MYO1D: variants seen among roughly 807,000 people sequenced by gnomAD.
The protein encoded by MYO1D is myosin ID, also known as unconventional myosin-Id.
MYO1D carries 83 observed loss-of-function variants against 122.0 expected under a neutral mutation model. That is an observed-to-expected ratio of 0.68 (90% CI 0.57 to 0.82). MYO1D has a LOEUF of 0.82. Ranked by LOEUF, MYO1D falls within the 40% of genes least tolerant of loss-of-function variation. The pLI, the probability that MYO1D is intolerant of heterozygous loss-of-function variation, is 0.00. For missense variants in MYO1D, 1,157 were observed against 1,269.5 expected, an observed-to-expected ratio of 0.91 and a Z score of 1.35; for synonymous variants, 464 against 446.9, an observed-to-expected ratio of 1.04 and a Z score of -0.48.
In MYO1D at chr17:32,867,500, A is replaced by AT. The variant is rs573984105; in HGVS notation, c.95+9277_95+9278insA. Among the ~76,000 whole-genome samples the AT allele has an allele frequency of 2.5e-3, 377 of 152,252 alleles. 1 individual carries two copies. The highest frequency in any genetic ancestry group is 8.2e-3 in the African/African-American group (341 of 41,538). On this transcript the variant is annotated intron_variant, in intron 1 of 21. Transcript: ENST00000318217. The stretch of plus-strand genomic sequence containing the variant: ...CCAACCCAGCACTAAGCACACTGTA[A>AT]GAATTCAAGTAGTTGGCCGGGTACA...
At position 32,666,353 on chromosome 17, in the gene MYO1D, A is replaced by G. The variant is rs116042844; in HGVS notation, c.2122-7015T>C. On this transcript the variant is annotated intron_variant, in intron 16 of 21. Transcript: ENST00000318217. ...TACTTACTTCTAAACTTATGCTGACACCTCTTGTCTTCTGTTGTTTCCACT... is the reference window on the plus strand; with the variant it reads ...TACTTACTTCTAAACTTATGCTGACGCCTCTTGTCTTCTGTTGTTTCCACT... Among the ~76,000 whole-genome samples, 263 of 152,042 alleles carry G rather than the reference A, an allele frequency of 1.7e-3. 1 individual carries two copies. Among genetic ancestry groups the G allele is most frequent in the African/African-American group, 6.1e-3 (252 of 41,440 alleles).
intron 17 of MYO1D, among the ~76,000 whole-genome samples, chr17:32,656,082 C>T (rs1434472525): frequency 2.0e-5 from 3 of 152,148 alleles, no homozygotes; most frequent in East Asian, 1.9e-4. Context: ...TTCTCTTATG[C>T]GCTTGGCGGC....
chr17:32,827,394 T>C (rs1369689309), intron 1 of MYO1D, among the ~76,000 whole-genome samples: 1 of 151,952 alleles, frequency 6.6e-6, no homozygotes, highest in East Asian at 1.9e-4. Context: ...GTTACCAGGG[T>C]TGTGAAGAGG....
At chr17:32,591,228 TTTGA>T (rs1407287438) in intron 21 of MYO1D, among the ~76,000 whole-genome samples, 7 of 152,220 alleles carry the variant, frequency 4.6e-5, no homozygotes, top group Non-Finnish European at 1.0e-4. Flanking sequence ...TTTAACATTG[TTTGA>T]TTTTTGCCCC....
At chr17:32,546,667 C>A (rs564564608) in intron 21 of MYO1D, among the ~76,000 whole-genome samples, 1 of 152,266 alleles carries the variant, frequency 6.6e-6, no homozygotes, top group South Asian at 2.1e-4. Flanking sequence ...TCCCCAAACC[C>A]CTGTGCTCCC....
chr17:32,510,521 T>C (rs562267347), intron 21 of MYO1D: 1 of 152,246 alleles, frequency 6.6e-6, no homozygotes, highest in Non-Finnish European at 1.5e-5. Context: ...TTTGTATGCA[T>C]TTTTTACTAT....
intron 17 of MYO1D, 42 bp downstream of exon 17, chr17:32,659,073 T>G (rs1157398703): frequency 1.3e-6 from 2 of 1,552,142 alleles, no homozygotes; most frequent in Admixed American, 3.3e-5. Flanking sequence ...GTATTAACTG[T>G]GCCACCATAA....
At chr17:32,838,671 C>T (rs555319357) in intron 1 of MYO1D, among the ~76,000 whole-genome samples, 21 of 152,156 alleles carry the variant, frequency 1.4e-4, no homozygotes, top group Non-Finnish European at 2.4e-4. Context: ...AGTAAGCCAC[C>T]GAAGGGCTTC....
At chr17:32,789,034 G>GGGACT (rs2090325711) in intron 1 of MYO1D, among the ~76,000 whole-genome samples, 1 of 151,950 alleles carries the variant, frequency 6.6e-6, no homozygotes, top group Non-Finnish European at 1.5e-5. Context: ...TGTTGTGAAA[G>GGGACT]GGACTGAGTT....
intron 21 of MYO1D, among the ~76,000 whole-genome samples, chr17:32,504,274 C>T (rs2150854904): frequency 6.6e-6 from 1 of 152,326 alleles, no homozygotes; most frequent in East Asian, 1.9e-4. Context: ...ACTGCCACCA[C>T]CCTCCCAGCC....
At chr17:32,546,453 G>A (rs2086965443) in intron 21 of MYO1D, among the ~76,000 whole-genome samples, 1 of 152,214 alleles carries the variant, frequency 6.6e-6, no homozygotes, top group African/African-American at 2.4e-5. Context: ...TCCAGAAGCA[G>A]GGGCACACAG....
intron 21 of MYO1D, among the ~76,000 whole-genome samples, chr17:32,564,200 G>A (rs2087151693): frequency 6.6e-6 from 1 of 152,236 alleles, no homozygotes; most frequent in Admixed American, 6.5e-5. Context: ...GCTAACCTGG[G>A]AATGGATCCT....
chr17:32,646,537 A>T (rs1477094165), intron 19 of MYO1D, among the ~76,000 whole-genome samples: 1 of 152,114 alleles, frequency 6.6e-6, no homozygotes, highest in Middle Eastern at 3.2e-3. Flanking sequence ...AAAACATATG[A>T]GTGTAGGGCA....
intron 20 of MYO1D, among the ~76,000 whole-genome samples, chr17:32,629,493 G>C (rs2150932185): frequency 6.6e-6 from 1 of 152,298 alleles, no homozygotes; most frequent in Admixed American, 6.5e-5. Context: ...CCAGCACTTT[G>C]GGAGGCCAAG....
At chr17:32,584,501 C>CT (rs937941663) in intron 21 of MYO1D, among the ~76,000 whole-genome samples, 6,911 of 143,410 alleles carry the variant, frequency 0.048, 475 homozygotes, top group African/African-American at 0.16. Context: ...ATCTTCAGAA[C>CT]TTTTTTTTTT....
At chr17:32,795,975 G>A (rs112298586) in intron 1 of MYO1D, among the ~76,000 whole-genome samples, 20 of 152,168 alleles carry the variant, frequency 1.3e-4, no homozygotes, top group Middle Eastern at 3.4e-3. Context: ...CTGTTAGCGC[G>A]CTCTCGGGGT....
At chr17:32,504,089 A>G (rs906326966) in intron 21 of MYO1D, among the ~76,000 whole-genome samples, 3 of 152,220 alleles carry the variant, frequency 2.0e-5, no homozygotes, top group Non-Finnish European at 1.5e-5. Context: ...GTATTTGGAA[A>G]GTAAAACCTT....
chr17:32,555,328 A>G (rs17733724), intron 21 of MYO1D, among the ~76,000 whole-genome samples: 8,280 of 152,180 alleles, frequency 0.054, 317 homozygotes, highest in Non-Finnish European at 0.087. Flanking sequence ...TATATTGTTA[A>G]GTGAAATCAC....
Position 32,627,028 on chromosome 17 carries a change from T to A in MYO1D, c.2709+11694A>T, listed in dbSNP as rs186749407. Among the ~76,000 whole-genome samples the A allele has an allele frequency of 2.4e-3, 363 of 152,310 alleles. 2 individuals are homozygous for A. The highest frequency in any genetic ancestry group is 8.2e-3 in the African/African-American group (340 of 41,566). ...TTACTTTTTTTCTAAGAAGAGAGGTTTCCAAATATCTAATTTTGCTAAGTG... is the reference window on the plus strand; with the variant it reads ...TTACTTTTTTTCTAAGAAGAGAGGTATCCAAATATCTAATTTTGCTAAGTG... On this transcript the variant is annotated intron_variant, in intron 20 of 21. Coordinates refer to ENST00000318217, the MANE Select transcript of MYO1D (RefSeq NM_015194.3).
Sources: gnomAD v4.1 joint callset for allele counts (sites outside exome capture counted in the v4.1 genomes callset) on GRCh38, gnomAD v4.1.1 for gene constraint, MANE v1.5 for transcripts, NCBI Gene and HGNC (gene_info 2026-07-23, HGNC 2026-07-21) for gene names.